ABCB8: variants seen among roughly 807,000 people sequenced by gnomAD.
ABCB8 encodes mitochondrial potassium channel ATP-binding subunit.
Under a neutral mutation model 73.0 loss-of-function variants are expected in ABCB8, and 52 were observed. The ratio of observed to expected loss-of-function variants is 0.71; its 90% CI spans 0.57 to 0.90. ABCB8 has a LOEUF of 0.90. ABCB8 is among the 40% of genes least tolerant of loss of function. The pLI, the probability that ABCB8 is intolerant of heterozygous loss-of-function variation, is 0.00. For missense variants in ABCB8, 909 were observed against 974.6 expected, an observed-to-expected ratio of 0.93 and a Z score of 0.90; for synonymous variants, 428 against 423.5, an observed-to-expected ratio of 1.01 and a Z score of -0.13.
intron 9 of ABCB8, chr7:151,038,821 A>G (rs1335722596): frequency 6.6e-6 from 1 of 152,228 alleles, no homozygotes; most frequent in Non-Finnish European, 1.5e-5. Flanking sequence ...AGCGCTGCCT[A>G]TGTGGAGATT....
Position 151,045,356 on chromosome 7 carries a change from C to G in ABCB8, c.*7C>G, listed in dbSNP as rs900669403. ...CCACCAGCACAAGTCCTGAGAAGGG[C>G]CCCCTGAGGTGTGGTCGCTGCCAAG... On this transcript the variant is annotated 3_prime_UTR_variant, in exon 16 of 16. Transcript: ENST00000358849. 6.5e-7 allele frequency: 1 copy of G among 1,535,530 alleles called. No individual in the cohort carries two copies. Among genetic ancestry groups the G allele is most frequent in the Admixed American group, 2.0e-5 (1 of 49,152 alleles).
rs1796310827 is a variant in ABCB8, at chr7:151,036,428, A to C, written c.1112-116A>C. Reference sequence around the variant, plus strand: ...AACTTGCTCTTCCGAGGAGGAAGCCAACGCTGGGACCAGTCATGCGCCTCA... The same window carrying C: ...AACTTGCTCTTCCGAGGAGGAAGCCCACGCTGGGACCAGTCATGCGCCTCA... On this transcript the variant is annotated intron_variant, in intron 8 of 15. Coordinates refer to ENST00000358849, the MANE Select transcript of ABCB8 (RefSeq NM_007188.5). 2.9e-6 allele frequency: 3 copies of C among 1,036,250 alleles called. No individual in the cohort carries two copies. In the East Asian group the frequency reaches 7.1e-5, roughly 25 times the overall value. 64.2% of individuals were successfully genotyped at this position (1,036,250 alleles called of 1,614,324 possible).
At position 151,028,507 on chromosome 7, in the gene ABCB8, C is replaced by A; in HGVS notation, c.-9C>A. 1 of 1,611,420 alleles carries A rather than the reference C, an allele frequency of 6.2e-7. No homozygotes were observed. The highest frequency in any genetic ancestry group is 8.5e-7 in the Non-Finnish European group (1 of 1,179,050). ...CTATTGCCGGCGGCTCCTGTTTTAC[C>A]GCGTCAGCATGCTGGTGCATTTATT... On this transcript the variant is annotated 5_prime_UTR_variant, in exon 1 of 16. Coordinates refer to ENST00000358849, the MANE Select transcript of ABCB8 (RefSeq NM_007188.5).
intron 15 of ABCB8, 119 bp downstream of exon 15, chr7:151,044,340 A>G (rs1796558305): frequency 6.8e-7 from 1 of 1,475,360 alleles, no homozygotes; most frequent in Non-Finnish European, 9.1e-7. Flanking sequence ...TGGGGGCTAT[A>G]TTCTGGAAGC....
At chr7:151,043,824 TG>T (rs1370006460) in intron 14 of ABCB8, 146 bp from the exon 15 acceptor site, 1 of 923,384 alleles carries the variant, frequency 1.1e-6, no homozygotes, top group Non-Finnish European at 1.5e-6. Flanking sequence ...CAGTGCGGGG[TG>T]GGGGTCAGAG....
At chr7:151,039,918 C>T (rs77475957) in intron 9 of ABCB8, 7 of 243,714 alleles carry the variant, frequency 2.9e-5, no homozygotes, top group South Asian at 6.5e-5. Context: ...CTGATATCAC[C>T]GCTGCATGTG....
In ABCB8 at chr7:151,044,130, C is replaced by T; in HGVS notation, c.1925C>T (p.Ala642Val). ...CAGGAGGCCCTGGACCGGGCCAGTG[C>T]AGGCCGCACGGTGCTGGTAATTGCC... The part of the protein sequence containing the change: ...VVQEALDRAS[A>V]GRTVLVIAHR... The change falls in exon 15 of 16, where the codon GCA (alanine) becomes GTA (valine). Residue 642 changes from alanine to valine, a missense_variant. Ala to Val is a moderately conservative substitution (Grantham distance 64, BLOSUM62 0). Transcript: ENST00000358849. The T allele has an allele frequency of 1.2e-6, 2 of 1,613,962 alleles. No individual in the cohort carries two copies. Among genetic ancestry groups the T allele is most frequent in the Non-Finnish European group, 1.7e-6 (2 of 1,179,970 alleles).
At position 151,035,967 on chromosome 7, in the gene ABCB8, A is replaced by C. The variant is rs768110885; in HGVS notation, c.1013A>C (p.Glu338Ala). The C allele has an allele frequency of 1.5e-5, 25 of 1,613,720 alleles. No homozygotes were observed. Among genetic ancestry groups the C allele is most frequent in the Non-Finnish European group, 1.9e-5 (23 of 1,180,024 alleles). Reference sequence around the variant, plus strand: ...TTCGCCATGGAGCAACGGGAAGAGGAGTGAGTCCTGGGAGGGCGGAGCACA... The same window carrying C: ...TTCGCCATGGAGCAACGGGAAGAGGCGTGAGTCCTGGGAGGGCGGAGCACA... ...RAFAMEQREE[E>A]RYGAELEACR... is the part of the protein sequence containing the mutation. Residue 338 changes from glutamate to alanine, a missense_variant and splice_region_variant, in exon 7 of 16, where the codon GAG becomes GCG. Physicochemically the swap from Glu to Ala is moderately radical, Grantham distance 107. Coordinates refer to ENST00000358849, the MANE Select transcript of ABCB8 (RefSeq NM_007188.5).
At chr7:151,030,118 GA>G (rs997511748) in intron 1 of ABCB8, among the ~76,000 whole-genome samples, 1 of 152,216 alleles carries the variant, frequency 6.6e-6, no homozygotes, top group African/African-American at 2.4e-5. Flanking sequence ...AAACCAGAGA[GA>G]AACCCAAGGA....
chr7:151,037,513 C>T, intron 9 of ABCB8: 1 of 597,334 alleles, frequency 1.7e-6, no homozygotes, highest in Non-Finnish European at 3.0e-6. Flanking sequence ...CTATCTCTTT[C>T]CAAGCTAAAC....
chr7:151,032,532 A>G lies in ABCB8; in HGVS notation c.96-1073A>G, dbSNP rs190441060. ...AATAAAGCGAAACCCCATCTCTACT[A>G]AAAATACAAAAATTAGCTGGGCGTG... On this transcript the variant is annotated intron_variant, in intron 1 of 15. Transcript: ENST00000358849. Among the ~76,000 whole-genome samples the G allele has an allele frequency of 2.6e-3, 391 of 152,208 alleles. 3 individuals are homozygous for G. Among genetic ancestry groups the G allele is most frequent in the African/African-American group, 8.8e-3 (367 of 41,542 alleles).
chr7:151,034,918 G>A (rs910830568), intron 5 of ABCB8, 89 bp downstream of exon 5: 11 of 1,210,604 alleles, frequency 9.1e-6, no homozygotes, highest in Middle Eastern at 2.8e-4. Context: ...CAGCCCTGAT[G>A]TTGGGCTGAC....
intron 15 of ABCB8, 74 bp from the exon 16 acceptor site, chr7:151,045,135 A>G: frequency 7.0e-7 from 1 of 1,429,044 alleles, no homozygotes; most frequent in Non-Finnish European, 9.2e-7. Context: ...GCTGATAGAG[A>G]GGCTCAGCTC....
intron 8 of ABCB8, 123 bp from the exon 9 acceptor site, chr7:151,036,421 G>C (rs1796310373): frequency 1.0e-6 from 1 of 1,002,954 alleles, no homozygotes; most frequent in Admixed American, 1.8e-5. Context: ...CTTCCGAGGA[G>C]GAAGCCAACG....
Position 151,047,560 on chromosome 7 carries a change from T to C in ABCB8, c.*2211T>C, listed in dbSNP as rs1796647167. The C allele has an allele frequency of 6.6e-6, 1 of 152,190 alleles. No individual in the cohort carries two copies. The highest frequency in any genetic ancestry group is 2.4e-5 in the African/African-American group (1 of 41,410). The allele number at this position is 152,190 out of a possible 1,614,324, so 9.4% of individuals were successfully genotyped here. On this transcript the variant is annotated 3_prime_UTR_variant, in exon 16 of 16. Transcript: ENST00000358849. The stretch of plus-strand genomic sequence containing the variant: ...TGCCCCCATGAAGCTTGTGTCCTGT[T>C]GGGAGGACAGACAGGTGGCCCAGCA...
chr7:151,041,832 T>C lies in ABCB8; in HGVS notation c.1618-129T>C, dbSNP rs559364651. The C allele has an allele frequency of 1.9e-3, 2,301 of 1,204,456 alleles. 4 individuals are homozygous for C. Among genetic ancestry groups the C allele is most frequent in the Non-Finnish European group, 2.2e-3 (1,922 of 865,810 alleles). The allele number at this position is 1,204,456 out of a possible 1,614,324, so 74.6% of individuals were successfully genotyped here. ...CTCACTTCACCTCTGACTTTGAACG[T>C]CTGATTCTTCAAGAGATCCTAATCT... On this transcript the variant is annotated intron_variant, in intron 13 of 15. Coordinates refer to ENST00000358849, the MANE Select transcript of ABCB8 (RefSeq NM_007188.5).
intron 5 of ABCB8, among the ~76,000 whole-genome samples, 190 bp downstream of exon 5, chr7:151,035,019 C>T (rs984185989): frequency 6.6e-6 from 1 of 152,174 alleles, no homozygotes; most frequent in African/African-American, 2.4e-5. Flanking sequence ...GAGGCAGTGT[C>T]CAAGGTCAGG....
At chr7:151,034,221 A>C in intron 2 of ABCB8, 52 bp from the exon 3 acceptor site, 2 of 1,545,478 alleles carry the variant, frequency 1.3e-6, no homozygotes, top group Non-Finnish European at 1.8e-6. Flanking sequence ...GGGGATGGGG[A>C]GGAGTGGCTC....
At chr7:151,028,859 G>T in intron 1 of ABCB8, 1 of 1,540,500 alleles carries the variant, frequency 6.5e-7, no homozygotes, top group East Asian at 2.5e-5. Flanking sequence ...CGGGGTCAGT[G>T]ACCACGCCCA....
Sources: allele counts gnomAD v4.1 joint callset (sites outside exome capture counted in the v4.1 genomes callset), GRCh38; gene constraint gnomAD v4.1.1; transcripts MANE v1.5; gene names NCBI Gene and HGNC (gene_info 2026-07-23, HGNC 2026-07-21).